The following MMP28 variants were observed in gnomAD, a reference collection of about 807,000 sequenced individuals.
The protein encoded by MMP28 is matrix metalloproteinase-28.
Under a neutral mutation model 60.5 loss-of-function variants are expected in MMP28, and 55 were observed. The ratio of observed to expected loss-of-function variants is 0.91; its 90% CI spans 0.73 to 1.14. MMP28 has a LOEUF of 1.14. MMP28 is among the 50% of genes most tolerant of loss of function. MMP28 has a pLI of 0.00. For synonymous variants in MMP28, 318 were observed against 312.5 expected (o/e 1.02, Z -0.18); for missense variants, 686 against 738.3 (o/e 0.93, Z 0.82).
At chr17:35,763,914 A>AAATAAAT, downstream of MMP28, 1 of 900,244 alleles carries the variant, frequency 1.1e-6, no homozygotes, top group Non-Finnish European at 1.5e-6. Flanking sequence ...ATAAATAAAT[A>AAATAAAT]AATAAATAAA....
chr17:35,766,274 TGC>T lies in MMP28; in HGVS notation c.*224_*225del. The T allele has an allele frequency of 7.6e-7, 1 of 1,316,380 alleles. No individual in the cohort carries two copies. Among genetic ancestry groups the T allele is most frequent in the Non-Finnish European group, 9.7e-7 (1 of 1,034,228 alleles). 81.5% of individuals were successfully genotyped at this position (1,316,380 alleles called of 1,614,324 possible). On this transcript the variant is annotated 3_prime_UTR_variant, in exon 8 of 8. Transcript: ENST00000605424. This position sits in a 1 kb window ranked among gnomAD's most constrained non-coding sequence, Gnocchi z 4.3. ...GGCCAAGGGATCTGGGACCCTTTTT[TGC>T]TTTTCCTAAGATTGATCCCACCCCC...
intron 2 of MMP28, among the ~76,000 whole-genome samples, chr17:35,756,665 A>G (rs1173961763): frequency 2.6e-5 from 4 of 151,554 alleles, no homozygotes; most frequent in African/African-American, 9.7e-5. Context: ...ACAGGGTTTC[A>G]CCATGTTGGC....
intron 1 of MMP28, among the ~76,000 whole-genome samples, chr17:35,779,556 C>G (rs2086439058): frequency 1.3e-5 from 2 of 152,162 alleles, no homozygotes; most frequent in African/African-American, 4.8e-5. Context: ...TATTTCTGAA[C>G]CTTTGCTTCC....
downstream of MMP28, chr17:35,761,098 AATTTTTT>A: frequency 2.8e-6 from 2 of 711,496 alleles, no homozygotes; most frequent in Non-Finnish European, 4.2e-6. Context: ...CGCCTTCCTG[AATTTTTT>A]TTTTTTTTTT....
chr17:35,783,911 C>T (rs537317421), intron 1 of MMP28, among the ~76,000 whole-genome samples: 108 of 152,152 alleles, frequency 7.1e-4, no homozygotes, highest in Admixed American at 3.1e-3. Context: ...TGAGCATGTG[C>T]CCGGGACACG....
At chr17:35,774,312 TG>T (rs1410212898) in intron 3 of MMP28, among the ~76,000 whole-genome samples, 1 of 152,060 alleles carries the variant, frequency 6.6e-6, no homozygotes, top group Non-Finnish European at 1.5e-5. Context: ...ACTCAGGGGC[TG>T]GGATTGTAAC....
At chr17:35,782,909 C>A (rs1182920077) in intron 1 of MMP28, among the ~76,000 whole-genome samples, 1 of 152,192 alleles carries the variant, frequency 6.6e-6, no homozygotes, top group Non-Finnish European at 1.5e-5. Flanking sequence ...TCACTGCAAG[C>A]TCTGCCTCCA....
intron 3 of MMP28, among the ~76,000 whole-genome samples, chr17:35,773,730 G>T (rs1472857360): frequency 6.6e-6 from 1 of 152,218 alleles, no homozygotes; most frequent in African/African-American, 2.4e-5. Flanking sequence ...TGAACCCTTG[G>T]TCTAGGGTCT....
In MMP28 at chr17:35,770,078, T is replaced by C. The variant is rs2143232665; in HGVS notation, c.839A>G (p.Gln280Arg). The stretch of plus-strand genomic sequence containing the variant: ...TCCCGGGGCCTCACCATACAGGCTC[T>C]GCACGGCCAGCACGTCGTCCCAGCT... Reference protein sequence around the residue: ...LLSWDDVLAVQSLYGKPLGGS... With the variant: ...LLSWDDVLAVRSLYGKPLGGS... Residue 280 changes from glutamine (Q) to arginine (R), a missense_variant, in exon 5 of 8, where the codon CAG becomes CGG. Physicochemically the swap from Gln to Arg is conservative, Grantham distance 43. Transcript: ENST00000605424. 1 of 1,584,508 alleles carries C rather than the reference T, an allele frequency of 6.3e-7. No homozygotes were observed. Among genetic ancestry groups the C allele is most frequent in the Non-Finnish European group, 8.6e-7 (1 of 1,166,184 alleles).
At chr17:35,779,691 A>G (rs1354395746) in intron 1 of MMP28, among the ~76,000 whole-genome samples, 2 of 152,308 alleles carry the variant, frequency 1.3e-5, no homozygotes, top group East Asian at 1.9e-4. Flanking sequence ...TTGAATTCCA[A>G]CTAGTAAGAT....
intron 1 of MMP28, among the ~76,000 whole-genome samples, chr17:35,789,593 T>C (rs1245187926): frequency 6.6e-6 from 1 of 151,176 alleles, no homozygotes; most frequent in Non-Finnish European, 1.5e-5. Flanking sequence ...TGAAATGTTG[T>C]ATTTTCATTA....
At chr17:35,768,030 G>A (rs1288962536) in intron 6 of MMP28, 111 bp from the exon 7 acceptor site, 4 of 1,362,528 alleles carry the variant, frequency 2.9e-6, no homozygotes, top group Non-Finnish European at 4.0e-6. Flanking sequence ...ATAGGGTATG[G>A]TGTGTACAGT....
At chr17:35,787,276 C>T (rs770447024) in intron 1 of MMP28, among the ~76,000 whole-genome samples, 4 of 152,112 alleles carry the variant, frequency 2.6e-5, no homozygotes, top group Non-Finnish European at 4.4e-5. Flanking sequence ...CAGAGGCATT[C>T]GACAGGACTG....
chr17:35,761,019 C>G, downstream of MMP28: 1 of 1,533,562 alleles, frequency 6.5e-7, no homozygotes, highest in Non-Finnish European at 8.8e-7. Context: ...CTTGGACAAT[C>G]CAGCCCATCA....
chr17:35,759,865 C>T lies in MMP28; in HGVS notation c.266-3446G>A, dbSNP rs116223254. 3.6e-3 allele frequency among the ~76,000 whole-genome samples: 543 copies of T among 152,270 alleles called. 4 individuals are homozygous for T. Among genetic ancestry groups the T allele is most frequent in the Middle Eastern group, 0.017 (5 of 294 alleles). On this transcript the variant is annotated intron_variant, in intron 2 of 2. Coordinates refer to the MMP28 transcript ENST00000615317. ...CAAACAGGCCAAAGTTGCTGTGCCA[C>T]GAGTAATAAAGTCCTTTGTCTCTGA...
At chr17:35,770,442 C>T (rs1231862789) in intron 4 of MMP28, 130 bp from the exon 5 acceptor site, 3 of 1,252,214 alleles carry the variant, frequency 2.4e-6, no homozygotes, top group Non-Finnish European at 3.2e-6. Context: ...TAAAATCTGG[C>T]AGAACCTGAA....
chr17:35,787,885 C>CT (rs367846869), intron 1 of MMP28, among the ~76,000 whole-genome samples: 1 of 145,428 alleles, frequency 6.9e-6, no homozygotes, highest in Admixed American at 7.0e-5. Flanking sequence ...CTCTCTCACT[C>CT]TTTTTTTCTT....
At chr17:35,763,993 C>CT, downstream of MMP28, 1 of 1,529,084 alleles carries the variant, frequency 6.5e-7, no homozygotes, top group Non-Finnish European at 8.8e-7. Context: ...CCCTGACCTC[C>CT]TCCCGGCCCG....
intron 3 of MMP28, among the ~76,000 whole-genome samples, chr17:35,776,819 G>A (rs1555607751): frequency 6.6e-6 from 1 of 152,126 alleles, no homozygotes; most frequent in Non-Finnish European, 1.5e-5. Flanking sequence ...AACCCAAGAG[G>A]TGGAGGTTGC....
Sources: gnomAD v4.1 joint callset for allele counts (sites outside exome capture counted in the v4.1 genomes callset) on GRCh38, gnomAD v4.1.1 for gene constraint, Gnocchi (gnomAD v3.1) non-coding constraint, MANE v1.5 for transcripts, NCBI Gene and HGNC (gene_info 2026-07-23, HGNC 2026-07-21) for gene names.